Variants in HNRNPH1 observed in about 807,000 individuals in gnomAD.
HNRNPH1 encodes heterogeneous nuclear ribonucleoprotein H.
A neutral mutation model predicts 58.6 loss-of-function variants in HNRNPH1; 4 were observed. The ratio of observed to expected loss-of-function variants is 0.07; its 90% CI spans 0.03 to 0.16. The LOEUF is 0.16. HNRNPH1 is among the 10% of genes least tolerant of loss of function. The pLI, the probability that HNRNPH1 is intolerant of heterozygous loss-of-function variation, is 1.00. For missense variants in HNRNPH1, 271 were observed against 564.2 expected (o/e 0.48, Z 5.26); for synonymous variants, 192 against 189.2 (o/e 1.01, Z -0.12).
exon 7 of HNRNPH1, chr5:179,617,838 C>A (rs1297806694): frequency 3.7e-6 from 6 of 1,613,752 alleles, no homozygotes; most frequent in Non-Finnish European, 2.5e-6. Flanking sequence ...AAGGTAATCC[C>A]CGCATGTGTA....
intron 1 of HNRNPH1, chr5:179,621,608 T>G: frequency 1.8e-6 from 1 of 568,378 alleles, no homozygotes; most frequent in Non-Finnish European, 3.1e-6. Context: ...ATCAACAACA[T>G]ACAATATTCA....
At chr5:179,620,641 G>A (rs774176729) in intron 3 of HNRNPH1, 2 of 417,044 alleles carry the variant, frequency 4.8e-6, no homozygotes, top group Admixed American at 4.0e-5. Flanking sequence ...AGCTGTTGAG[G>A]GCAATCCTCA....
At position 179,616,113 on chromosome 5, in the gene HNRNPH1, A is replaced by G. The variant is rs111356422; in HGVS notation, c.1300+13T>C. 5.3e-5 allele frequency: 85 copies of G among 1,601,526 alleles called. 1 individual carries two copies. Among genetic ancestry groups the G allele is most frequent in the South Asian group, 1.7e-4 (15 of 90,852 alleles). ...CATAACTTACTCTAAGTACAGTAACAAACAGGCTTTACCGTATCCACTCAT... is the reference window on the plus strand; with the variant it reads ...CATAACTTACTCTAAGTACAGTAACGAACAGGCTTTACCGTATCCACTCAT... On this transcript the variant is annotated intron_variant, in intron 11 of 12. Coordinates refer to ENST00000356731, the Ensembl canonical transcript of HNRNPH1.
At chr5:179,618,999 T>G (rs549519180) in intron 4 of HNRNPH1, 1 of 245,920 alleles carries the variant, frequency 4.1e-6, no homozygotes, top group Admixed American at 5.6e-5. Flanking sequence ...AGGTTTGCAT[T>G]AATTTTTTAA....
rs1339539582 is a variant in HNRNPH1 at position 179,614,264 on chromosome 5, A to T, written c.*696T>A. ...AAATCACAATACAATGAAAGATTTA[A>T]ATCAAGGCCTCAGAATTTCATACAA... On this transcript the variant is annotated 3_prime_UTR_variant, in exon 13 of 13. Transcript: ENST00000356731. The T allele has an allele frequency of 2.6e-5, 4 of 152,584 alleles. No individual in the cohort carries two copies. In the East Asian group the frequency reaches 5.8e-4, roughly 22 times the overall value. 9.5% of individuals were successfully genotyped at this position (152,584 alleles called of 1,614,324 possible).
intron 1 of HNRNPH1, chr5:179,621,864 C>G: frequency 2.2e-6 from 1 of 449,706 alleles, no homozygotes; most frequent in South Asian, 1.6e-5. Flanking sequence ...TCAGTGTTAC[C>G]AAGCTAAAAT....
chr5:179,632,851 A>AT (rs56128695), intron 2 of HNRNPH1, among the ~76,000 whole-genome samples: 8,363 of 57,580 alleles, frequency 0.15, 1,756 homozygotes, highest in East Asian at 0.51. Flanking sequence ...AGCCCGGCGA[A>AT]TTTTTTTTTT....
chr5:179,614,988 G>T, intron 12 of HNRNPH1, 29 bp from the exon 14 acceptor site: 1 of 1,276,568 alleles, frequency 7.8e-7, no homozygotes, highest in South Asian at 1.3e-5. Flanking sequence ...GACAAGTTAG[G>T]AGTAATATCA....
chr5:179,622,094 C>T (rs989435148), intron 1 of HNRNPH1: 3 of 421,686 alleles, frequency 7.1e-6, no homozygotes, highest in African/African-American at 6.2e-5. Context: ...GGAACAAGGA[C>T]ATTCTGATAG....
chr5:179,617,697 C>CA (rs753437288), intron 7 of HNRNPH1, 48 bp from the exon 9 acceptor site: 45 of 1,601,366 alleles, frequency 2.8e-5, no homozygotes, highest in African/African-American at 1.2e-4. Context: ...TCTAACGTTA[C>CA]AAAAAAAACC....
At chr5:179,617,693 G>T in intron 7 of HNRNPH1, 44 bp from the exon 9 acceptor site, 1 of 1,604,314 alleles carries the variant, frequency 6.2e-7, no homozygotes, top group Non-Finnish European at 8.5e-7. Context: ...ACTTTCTAAC[G>T]TTACAAAAAA....
exon 1 of HNRNPH1, chr5:179,624,478 G>C (rs2127725274): frequency 2.5e-6 from 1 of 398,618 alleles, no homozygotes; most frequent in South Asian, 1.3e-4. Context: ...CACGAGGAGG[G>C]ATCGCGAGCG....
At chr5:179,623,149 C>T (rs1773524895) in exon 1 of HNRNPH1, 1 of 1,589,484 alleles carries the variant, frequency 6.3e-7, no homozygotes, top group South Asian at 1.1e-5. Flanking sequence ...CTTACGCGGT[C>T]CGGCGTCGAA....
chr5:179,622,154 G>C (rs1336487614), intron 1 of HNRNPH1, among the ~76,000 whole-genome samples: 2 of 152,172 alleles, frequency 1.3e-5, no homozygotes, highest in Non-Finnish European at 2.9e-5. Flanking sequence ...CTGGGCTTCA[G>C]TGTCTTCAAC....
At position 179,623,017 on chromosome 5, in the gene HNRNPH1, G is replaced by A. The variant is rs1311114689; in HGVS notation, c.97+20C>T. ...GCCCCGGCCTCGAACTCGAACTCCC[G>A]CGTCCTAGTTCTAACTCACCAGAAA... is the stretch of plus-strand genomic sequence containing the variant. On this transcript the variant is annotated intron_variant, in intron 1 of 12. Transcript: ENST00000356731. 4.9e-6 allele frequency: 6 copies of A among 1,223,746 alleles called. No homozygotes were observed. The highest frequency in any genetic ancestry group is 6.5e-6 in the Non-Finnish European group (6 of 925,320). The allele number at this position is 1,223,746 out of a possible 1,614,324, so 75.8% of individuals were successfully genotyped here. A position where few individuals can be genotyped will look rare whatever the true frequency, so the allele number is the denominator to read the frequency against.
At chr5:179,621,968 T>C in intron 1 of HNRNPH1, 1 of 456,342 alleles carries the variant, frequency 2.2e-6, no homozygotes, top group Non-Finnish European at 4.4e-6. Context: ...TCGCTTTCCG[T>C]TACCAACGCT....
upstream of HNRNPH1, among the ~76,000 whole-genome samples, chr5:179,627,921 CAA>C (rs574977616): frequency 8.7e-5 from 11 of 126,600 alleles, no homozygotes; most frequent in Admixed American, 1.6e-4. Context: ...GATTCCATTG[CAA>C]AAAAAAAAAA....
At chr5:179,621,868 C>G (rs1471685871) in intron 1 of HNRNPH1, 1 of 451,388 alleles carries the variant, frequency 2.2e-6, no homozygotes, top group Non-Finnish European at 4.4e-6. Context: ...TGTTACCAAG[C>G]TAAAATGCTC....
At position 179,615,525 on chromosome 5, in the gene HNRNPH1, ATT is replaced by A. The variant is rs755590415; in HGVS notation, c.*19_*20del. On this transcript the variant is annotated intron_variant, in intron 12 of 12. Coordinates refer to ENST00000356731, the Ensembl canonical transcript of HNRNPH1. ...TCAGTATTTGCTATTGGGAATTTATATTTTTTGAGAAAATATTTACCTATGCA... is the reference window on the plus strand; with the variant it reads ...TCAGTATTTGCTATTGGGAATTTATATTTTGAGAAAATATTTACCTATGCA... The A allele has an allele frequency of 2.3e-6, 3 of 1,319,632 alleles. No homozygotes were observed. Among genetic ancestry groups the A allele is most frequent in the Non-Finnish European group, 3.3e-6 (3 of 921,490 alleles). The allele number at this position is 1,319,632 out of a possible 1,614,324, so 81.7% of individuals were successfully genotyped here.
Sources: gnomAD v4.1 joint callset for allele counts (sites outside exome capture counted in the v4.1 genomes callset) on GRCh38, gnomAD v4.1.1 for gene constraint, MANE v1.5 for transcripts, NCBI Gene and HGNC (gene_info 2026-07-23, HGNC 2026-07-21) for gene names.